Variants in TMEM97 observed in about 807,000 individuals in gnomAD.
TMEM97 encodes transmembrane protein 97, also known as sigma intracellular receptor 2.
In TMEM97, 13 loss-of-function variants were observed where a neutral mutation model predicts 18.3. The observed-to-expected ratio is 0.71, with a 90% confidence interval of 0.46 to 1.13. The LOEUF (loss-of-function observed/expected upper bound fraction) is 1.13. Among genes scored for constraint, TMEM97 ranks in the 50% most tolerant of loss-of-function variants. The pLI is 0.00. For synonymous variants in TMEM97, 76 were observed against 85.3 expected, an observed-to-expected ratio of 0.89 and a Z score of 0.60; for missense variants, 205 against 210.5, an observed-to-expected ratio of 0.97 and a Z score of 0.16.
chr17:28,323,648 C>T (rs1410054656), intron 1 of TMEM97, among the ~76,000 whole-genome samples: 1 of 152,152 alleles, frequency 6.6e-6, no homozygotes, highest in African/African-American at 2.4e-5. Flanking sequence ...ATCCACCCGC[C>T]TTGACCTCCC....
rs1483024940 is a variant in TMEM97 at position 28,328,405 on chromosome 17, T to C, written c.*1612T>C. ...AAAAAAAGGATGAAAGTTTACAAAC[T>C]GCTTAGTTCCAACTAAGCATAAGAG... On this transcript the variant is annotated 3_prime_UTR_variant, in exon 3 of 3. Coordinates refer to ENST00000226230, the MANE Select transcript of TMEM97 (RefSeq NM_014573.3). 2.5e-6 allele frequency: 1 copy of C among 392,612 alleles called. No homozygotes were observed. The highest frequency in any genetic ancestry group is 4.4e-5 in the East Asian group (1 of 22,874). 24.3% of individuals were successfully genotyped at this position (392,612 alleles called of 1,614,324 possible).
intron 1 of TMEM97, among the ~76,000 whole-genome samples, chr17:28,323,216 G>A (rs781958872): frequency 3.9e-5 from 6 of 152,128 alleles, no homozygotes; most frequent in Non-Finnish European, 8.8e-5. Flanking sequence ...CAGGTGGCAG[G>A]TATATGACTG....
rs1906371652 is a variant in TMEM97, at chr17:28,326,830, A to G, written c.*37A>G. ...ACTGGCCCAGGGTAGAGATGCCTAC[A>G]GGGTGGTTGCTTGTTGGATACAATA... On this transcript the variant is annotated 3_prime_UTR_variant, in exon 3 of 3. Coordinates refer to ENST00000226230, the MANE Select transcript of TMEM97 (RefSeq NM_014573.3). 1 of 1,587,606 alleles carries G rather than the reference A, an allele frequency of 6.3e-7. No individual in the cohort carries two copies. Among genetic ancestry groups the G allele is most frequent in the South Asian group, 1.1e-5 (1 of 88,676 alleles).
At position 28,327,552 on chromosome 17, in the gene TMEM97, T is replaced by C. The variant is rs149888615; in HGVS notation, c.*759T>C. 2.0e-3 allele frequency: 309 copies of C among 152,352 alleles called. 1 individual carries two copies. Among genetic ancestry groups the C allele is most frequent in the African/African-American group, 6.9e-3 (288 of 41,576 alleles). 9.4% of individuals were successfully genotyped at this position (152,352 alleles called of 1,614,324 possible). A position where few individuals can be genotyped will look rare whatever the true frequency, so the allele number is the denominator to read the frequency against. On this transcript the variant is annotated 3_prime_UTR_variant, in exon 3 of 3. Coordinates refer to ENST00000226230, the MANE Select transcript of TMEM97 (RefSeq NM_014573.3). ...CCTGTCAGCAAAATGAATAGTGGGA[T>C]ATTTTGGGCCATTTTAAATGTGAAA... is the stretch of plus-strand genomic sequence containing the variant.
chr17:28,328,306 A>G lies in TMEM97; in HGVS notation c.*1513A>G. 4.2e-6 allele frequency: 1 copy of G among 235,666 alleles called. No homozygotes were observed. Among genetic ancestry groups the G allele is most frequent in the Non-Finnish European group, 8.2e-6 (1 of 121,556 alleles). The allele number at this position is 235,666 out of a possible 1,614,324, so 14.6% of individuals were successfully genotyped here. ...GAGTTAAACATATTTCAAGAGCAAC[A>G]GGAAAAAAGGTACATCAAGCCATTT... On this transcript the variant is annotated 3_prime_UTR_variant, in exon 3 of 3. Coordinates refer to ENST00000226230, the MANE Select transcript of TMEM97 (RefSeq NM_014573.3).
intron 1 of TMEM97, among the ~76,000 whole-genome samples, chr17:28,324,237 C>T (rs1293130771): frequency 2.0e-5 from 3 of 152,158 alleles, no homozygotes; most frequent in African/African-American, 7.2e-5. Context: ...AAGCGAAGGG[C>T]ATTGCTATGA....
rs1555574656 is a variant in TMEM97, at chr17:28,319,270, G to T, written c.31G>T (p.Glu11Ter). The T allele has an allele frequency of 6.2e-7, 1 of 1,610,236 alleles. No homozygotes were observed. Among genetic ancestry groups the T allele is most frequent in the Non-Finnish European group, 8.5e-7 (1 of 1,178,414 alleles). Residue 11 changes from glutamate (E) to a stop codon, truncating the protein, a stop_gained, in exon 1 of 3, where the codon GAG becomes TAG. Transcript: ENST00000226230. LOFTEE classifies it high-confidence loss of function. ...GGCTCCGGCAACCAGGCGCTGCGTGGAGTGGCTGCTGGGCCTCTACTTCCT... is the reference window on the plus strand; with the variant it reads ...GGCTCCGGCAACCAGGCGCTGCGTGTAGTGGCTGCTGGGCCTCTACTTCCT... The part of the protein sequence containing the change: MGAPATRRCV[E>*]WLLGLYFLSH...
At chr17:28,325,762 A>G (rs1178569956) in intron 2 of TMEM97, 115 bp downstream of exon 2, 2 of 1,427,230 alleles carry the variant, frequency 1.4e-6, no homozygotes, top group African/African-American at 1.4e-5. Context: ...GGAGAATGCT[A>G]CAGGATCTGG....
rs1485041909 is a variant in TMEM97, at chr17:28,319,370, G to A, written c.126+5G>A. On this transcript the variant is annotated splice_donor_5th_base_variant and intron_variant, in intron 1 of 2. Transcript: ENST00000226230. ...CGCGAGCTCTACCCAGTCGAGGTGA[G>A]GGGCGCCCCTCTTATCCCGGCCCGC... 2.5e-6 allele frequency: 4 copies of A among 1,582,186 alleles called. No homozygotes were observed. The highest frequency in any genetic ancestry group is 4.8e-5 in the East Asian group (2 of 42,034).
chr17:28,322,292 T>C (rs1906178602), intron 1 of TMEM97, among the ~76,000 whole-genome samples: 1 of 151,978 alleles, frequency 6.6e-6, no homozygotes, highest in Non-Finnish European at 1.5e-5. Flanking sequence ...TCGCCCAGGC[T>C]GTAGTGCAGT....
At chr17:28,321,826 G>T (rs1597777733) in intron 1 of TMEM97, among the ~76,000 whole-genome samples, 2 of 151,682 alleles carry the variant, frequency 1.3e-5, no homozygotes, top group African/African-American at 4.8e-5. Context: ...GTGTGTGTGT[G>T]TGTGTGTGTG....
At chr17:28,321,397 A>T (rs1473795894) in intron 1 of TMEM97, among the ~76,000 whole-genome samples, 1 of 152,212 alleles carries the variant, frequency 6.6e-6, no homozygotes, top group Non-Finnish European at 1.5e-5. Flanking sequence ...GCTCAGCATC[A>T]TATCATAAAG....
chr17:28,325,368 A>C, intron 1 of TMEM97, 135 bp from the exon 2 acceptor site: 2 of 1,129,954 alleles, frequency 1.8e-6, no homozygotes, highest in Non-Finnish European at 1.3e-6. Flanking sequence ...AGCCAGCTGG[A>C]CATGCCATCT....
At chr17:28,321,799 C>CGTGT (rs1567775073) in intron 1 of TMEM97, among the ~76,000 whole-genome samples, 24 of 106,092 alleles carry the variant, frequency 2.3e-4, no homozygotes, top group Admixed American at 1.9e-4. Flanking sequence ...CTGGCCAGAA[C>CGTGT]CTGTGTGTGT....
intron 1 of TMEM97, among the ~76,000 whole-genome samples, chr17:28,321,828 GTGTGTGTGTGTGTGTT>G (rs782482856): frequency 1.2e-3 from 181 of 151,718 alleles, no homozygotes; most frequent in Non-Finnish European, 1.7e-3. Flanking sequence ...GTGTGTGTGT[GTGTGTGTGTGTGTGTT>G]TGTGTGAGAT....
intron 1 of TMEM97, among the ~76,000 whole-genome samples, chr17:28,321,248 C>T (rs1555574875): frequency 1.3e-5 from 2 of 152,170 alleles, no homozygotes; most frequent in East Asian, 1.9e-4. Context: ...TGTTATAGGA[C>T]CTTTTAATAC....
In TMEM97 at chr17:28,319,203, T is replaced by C. The variant is rs923609737; in HGVS notation, c.-37T>C. 6.4e-7 allele frequency: 1 copy of C among 1,558,512 alleles called. No homozygotes were observed. Among genetic ancestry groups the C allele is most frequent in the South Asian group, 1.2e-5 (1 of 84,996 alleles). On this transcript the variant is annotated 5_prime_UTR_variant, in exon 1 of 3. Coordinates refer to ENST00000226230, the MANE Select transcript of TMEM97 (RefSeq NM_014573.3). ...GGAAGGCGCGCGGATTTGGCCCCTC[T>C]TCTCACATCAGCGGGTCCAGGCCCA... is the stretch of plus-strand genomic sequence containing the variant.
intron 1 of TMEM97, among the ~76,000 whole-genome samples, chr17:28,320,091 G>A (rs782366430): frequency 3.9e-5 from 6 of 151,960 alleles, no homozygotes; most frequent in African/African-American, 9.7e-5. Flanking sequence ...TTTTTTTCTC[G>A]TATCTGGACC....
intron 1 of TMEM97, among the ~76,000 whole-genome samples, chr17:28,321,838 G>GTGTGTT (rs1241503024): frequency 6.6e-6 from 1 of 150,964 alleles, no homozygotes; most frequent in Non-Finnish European, 1.5e-5. Flanking sequence ...GTGTGTGTGT[G>GTGTGTT]TGTGTTTGTG....
Sources: allele counts gnomAD v4.1 joint callset (sites outside exome capture counted in the v4.1 genomes callset), GRCh38; gene constraint gnomAD v4.1.1; transcripts MANE v1.5; gene names NCBI Gene and HGNC (gene_info 2026-07-23, HGNC 2026-07-21).